Variants in PGD observed in about 807,000 individuals in gnomAD.
PGD encodes the protein phosphogluconate dehydrogenase, also known as 6-phosphogluconate dehydrogenase, decarboxylating.
In PGD, 21 loss-of-function variants were observed where a neutral mutation model predicts 60.4. That is an observed-to-expected ratio of 0.35 (90% CI 0.25 to 0.50). The LOEUF (loss-of-function observed/expected upper bound fraction) is 0.50. Ranked by LOEUF, PGD falls within the 20% of genes least tolerant of loss-of-function variation. The probability of loss-of-function intolerance (pLI) is 0.98; values close to 1 mark genes in which losing one functional copy is unlikely to be tolerated. For missense variants in PGD, 477 were observed against 613.1 expected, an observed-to-expected ratio of 0.78 and a Z score of 2.34; for synonymous variants, 230 against 235.9, an observed-to-expected ratio of 0.97 and a Z score of 0.23.
At chr1:10,404,319 A>G in intron 5 of PGD, 40 bp downstream of exon 5, 2 of 1,299,200 alleles carry the variant, frequency 1.5e-6, no homozygotes, top group South Asian at 1.3e-5. Flanking sequence ...TGTACAAGGG[A>G]GCTGGACTTT....
At chr1:10,411,321 T>G (rs1174579081) in intron 6 of PGD, 97 bp from the exon 7 acceptor site, 10 of 1,371,906 alleles carry the variant, frequency 7.3e-6, no homozygotes, top group Non-Finnish European at 1.0e-5. Context: ...TGTGGAGAGG[T>G]AGCCTTGCCA....
intron 11 of PGD, 73 bp downstream of exon 11, chr1:10,418,998 G>GTTTT: frequency 2.9e-6 from 2 of 678,806 alleles, no homozygotes; most frequent in Non-Finnish European, 4.9e-6. Flanking sequence ...TTGGTTTTTT[G>GTTTT]TTTTTTTTTT....
At position 10,419,971 on chromosome 1, in the gene PGD, C is replaced by T. The variant is rs111816414; in HGVS notation, c.*222C>T. On this transcript the variant is annotated 3_prime_UTR_variant, in exon 13 of 13. Transcript: ENST00000270776. ...GGACTGACCAGGAGCTGCTCATGTG[C>T]GTGAGAGTGGGAACCATCTCCTTGC... 22 of 543,582 alleles carry T rather than the reference C, an allele frequency of 4.0e-5. 2 individuals are homozygous for T. Among genetic ancestry groups the T allele is most frequent in the African/African-American group, 1.9e-4 (10 of 52,618 alleles). The allele number at this position is 543,582 out of a possible 1,614,324, so 33.7% of individuals were successfully genotyped here. A position where few individuals can be genotyped will look rare whatever the true frequency, so the allele number is the denominator to read the frequency against.
At chr1:10,414,004 C>G (rs1300542331) in intron 8 of PGD, among the ~76,000 whole-genome samples, 1 of 151,880 alleles carries the variant, frequency 6.6e-6, no homozygotes, top group African/African-American at 2.4e-5. Flanking sequence ...TGCAGTGAGC[C>G]AAGATCATGC....
In PGD at chr1:10,417,464, A is replaced by C. The variant is rs1305189091; in HGVS notation, c.1064A>C (p.Tyr355Ser). ...ACCGAGTTTGGCTGGACTCTCAATT[A>C]TGGTGGCATCGCCCTGATGTGGAGA... ...AATEFGWTLN[Y>S]GGIALMWRGG... Residue 355 changes from tyrosine (Y) to serine (S), a missense_variant, in exon 10 of 13, where the codon TAT becomes TCT. By Grantham distance (144) the Tyr-to-Ser change is moderately radical. This residue lies in a region of PGD where 431 missense variants were observed against 556.6 expected (regional missense o/e 0.77). Transcript: ENST00000270776. The C allele has an allele frequency of 1.2e-6, 2 of 1,613,866 alleles. No homozygotes were observed. Among genetic ancestry groups the C allele is most frequent in the African/African-American group, 2.7e-5 (2 of 74,888 alleles).
At chr1:10,405,895 G>GGAGTGCA (rs1037562341) in intron 5 of PGD, among the ~76,000 whole-genome samples, 3 of 152,096 alleles carry the variant, frequency 2.0e-5, no homozygotes, top group African/African-American at 7.2e-5. Context: ...TGCCCAGGTT[G>GGAGTGCA]GAGTGCAGAG....
chr1:10,405,097 G>A (rs776510626), intron 5 of PGD, among the ~76,000 whole-genome samples: 5 of 152,056 alleles, frequency 3.3e-5, no homozygotes, highest in South Asian at 4.1e-4. Flanking sequence ...TAAATTGGCC[G>A]GGCGTGGTGG....
Position 10,420,086 on chromosome 1 carries a change from CTG to C in PGD, c.*339_*340del. On this transcript the variant is annotated 3_prime_UTR_variant, in exon 13 of 13. Transcript: ENST00000270776. ...TGCGCACTCTGATCAACTGGAACCT[CTG>C]TATCATGCGGCTGAATTCCCTTTTT... 4.3e-6 allele frequency: 1 copy of C among 234,232 alleles called. No homozygotes were observed. Among genetic ancestry groups the C allele is most frequent in the Middle Eastern group, 1.5e-3 (1 of 664 alleles). The allele number at this position is 234,232 out of a possible 1,614,324, so 14.5% of individuals were successfully genotyped here. A position where few individuals can be genotyped will look rare whatever the true frequency, so the allele number is the denominator to read the frequency against.
Position 10,417,491 on chromosome 1 carries a change from G to A in PGD, c.1091G>A (p.Gly364Glu). 1 of 1,612,202 alleles carries A rather than the reference G, an allele frequency of 6.2e-7. No homozygotes were observed. Among genetic ancestry groups the A allele is most frequent in the African/African-American group, 1.3e-5 (1 of 74,918 alleles). The change falls in exon 10 of 13, where the codon GGG (glycine) becomes GAG (glutamate). Residue 364 changes from glycine to glutamate, a missense_variant. By Grantham distance (98) the Gly-to-Glu change is moderately conservative. Around this residue, in one of 3 missense-constraint regions of PGD, gnomAD observed 431 missense variants for 556.6 expected, o/e 0.77. Transcript: ENST00000270776. ...GGTGGCATCGCCCTGATGTGGAGAG[G>A]GGGCTGCATCATTAGAAGGTAAGTG... Reference protein sequence around the residue: ...NYGGIALMWRGGCIIRSVFLG... With the variant: ...NYGGIALMWREGCIIRSVFLG...
chr1:10,412,979 G>A, intron 7 of PGD, 83 bp from the exon 8 acceptor site: 1 of 1,178,684 alleles, frequency 8.5e-7, no homozygotes, highest in Admixed American at 1.8e-5. Context: ...CGTGAGCATT[G>A]GTCAGCGTGG....
At position 10,420,044 on chromosome 1, in the gene PGD, C is replaced by CGT; in HGVS notation, c.*295_*296insGT. The stretch of plus-strand genomic sequence containing the variant: ...GTGTGCTGGTGCGGTTCCCATCACG[C>CGT]AGACAGGAAGGGTGTTTGCGCACTC... On this transcript the variant is annotated 3_prime_UTR_variant, in exon 13 of 13. Coordinates refer to ENST00000270776, the MANE Select transcript of PGD (RefSeq NM_002631.4). 1 of 384,276 alleles carries CGT rather than the reference C, an allele frequency of 2.6e-6. No homozygotes were observed. Among genetic ancestry groups the CGT allele is most frequent in the Non-Finnish European group, 4.9e-6 (1 of 205,298 alleles). 23.8% of individuals were successfully genotyped at this position (384,276 alleles called of 1,614,324 possible).
intron 2 of PGD, chr1:10,400,077 A>G (rs1477551017): frequency 4.4e-6 from 2 of 456,086 alleles, no homozygotes; most frequent in Non-Finnish European, 8.0e-6. Context: ...CTTAGACGCC[A>G]GGATGATCAA....
At chr1:10,400,101 A>G in intron 2 of PGD, 1 of 471,210 alleles carries the variant, frequency 2.1e-6, no homozygotes, top group South Asian at 3.0e-5. Flanking sequence ...CAACAGATAG[A>G]GCCTGTTGAA....
chr1:10,412,758 C>T (rs529587833), intron 7 of PGD: 17 of 266,012 alleles, frequency 6.4e-5, no homozygotes, highest in Middle Eastern at 1.2e-3. Context: ...GGACAAGATC[C>T]GGTGATTGCA....
intron 5 of PGD, among the ~76,000 whole-genome samples, chr1:10,404,548 G>A (rs911298765): frequency 6.6e-6 from 1 of 150,764 alleles, no homozygotes; most frequent in Non-Finnish European, 1.5e-5. Context: ...CGCCCAGGCA[G>A]GAGTGCAGTG....
rs377679338 is a variant in PGD at position 10,399,089 on chromosome 1, C to A, written c.-29C>A. ...CCCTCACTCGTCCTCCGCGCGTCGC[C>A]GCTCTTCGGTTCTGCTCTGTCCGCC... is the stretch of plus-strand genomic sequence containing the variant. On this transcript the variant is annotated 5_prime_UTR_variant, in exon 1 of 13. Coordinates refer to ENST00000270776, the MANE Select transcript of PGD (RefSeq NM_002631.4). 3 of 1,609,136 alleles carry A rather than the reference C, an allele frequency of 1.9e-6. No individual in the cohort carries two copies. Among genetic ancestry groups the A allele is most frequent in the Admixed American group, 1.7e-5 (1 of 59,978 alleles).
intron 10 of PGD, among the ~76,000 whole-genome samples, 180 bp from the exon 11 acceptor site, chr1:10,418,646 G>C (rs566819953): frequency 3.9e-5 from 6 of 151,964 alleles, no homozygotes; most frequent in African/African-American, 1.4e-4. Context: ...GTAGTGGTGC[G>C]TGCCTGTAAT....
intron 5 of PGD, among the ~76,000 whole-genome samples, chr1:10,406,720 C>G (rs1264784859): frequency 1.3e-5 from 2 of 152,160 alleles, no homozygotes; most frequent in Admixed American, 1.3e-4. Context: ...GGGAGCAGAA[C>G]AGTGAGGGAA....
intron 8 of PGD, among the ~76,000 whole-genome samples, chr1:10,416,652 A>G (rs1639600146): frequency 6.6e-6 from 1 of 152,164 alleles, no homozygotes; most frequent in Non-Finnish European, 1.5e-5. Flanking sequence ...GCCATTTTAT[A>G]GGATTTGGGC....
Sources: allele counts gnomAD v4.1 joint callset (sites outside exome capture counted in the v4.1 genomes callset), GRCh38; gene constraint gnomAD v4.1.1; regional missense constraint gnomAD v4.1.1; transcripts MANE v1.5; gene names NCBI Gene and HGNC (gene_info 2026-07-23, HGNC 2026-07-21).